MGAT5B: variants seen among roughly 807,000 people sequenced by gnomAD.
MGAT5B encodes the protein N-acetylglucosaminyl-transferase Vb.
Under a neutral mutation model 95.1 loss-of-function variants are expected in MGAT5B, and 54 were observed. The observed-to-expected ratio is 0.57, with a 90% confidence interval of 0.46 to 0.71. The LOEUF is 0.71. Ranked by LOEUF, MGAT5B falls within the 30% of genes least tolerant of loss-of-function variation. MGAT5B has a pLI of 0.00. For missense variants in MGAT5B, 935 were observed against 1,088.6 expected, an observed-to-expected ratio of 0.86 and a Z score of 1.99; for synonymous variants, 464 against 451.0, an observed-to-expected ratio of 1.03 and a Z score of -0.36.
At position 76,940,369 on chromosome 17, in the gene MGAT5B, C is replaced by T; in HGVS notation, c.1585-33C>T. 1 of 1,542,914 alleles carries T rather than the reference C, an allele frequency of 6.5e-7. No individual in the cohort carries two copies. The highest frequency in any genetic ancestry group is 8.8e-7 in the Non-Finnish European group (1 of 1,142,092). ...GCTTACTGGGCTGTGGCGGCCCAGCCCTCCCTGATCACTGCGCCCCTTGAC... is the reference window on the plus strand; with the variant it reads ...GCTTACTGGGCTGTGGCGGCCCAGCTCTCCCTGATCACTGCGCCCCTTGAC... On this transcript the variant is annotated intron_variant, in intron 13 of 17. Transcript: ENST00000569840. The surrounding 1 kb of genome is among the most constrained non-coding windows in gnomAD (Gnocchi z 4.3).
Position 76,912,464 on chromosome 17 carries a change from A to C in MGAT5B, c.1025+6277A>C, listed in dbSNP as rs1300821849. Among the ~76,000 whole-genome samples, 1 of 152,084 alleles carries C rather than the reference A, an allele frequency of 6.6e-6. No homozygotes were observed. ...GTCTCAGCTTGGTTTCTGCGACAGA[A>C]ATGTCTCCCTTGGCTGGCGAAATGA... On this transcript the variant is annotated intron_variant, in intron 8 of 17. Coordinates refer to ENST00000569840, the MANE Select transcript of MGAT5B (RefSeq NM_001199172.2). The surrounding 1 kb of genome is among the most constrained non-coding windows in gnomAD (Gnocchi z 5.0).
Position 76,869,135 on chromosome 17 carries a change from G to A in MGAT5B, c.68+38G>A. 1.3e-6 allele frequency: 2 copies of A among 1,591,444 alleles called. No individual in the cohort carries two copies. Among genetic ancestry groups the A allele is most frequent in the Non-Finnish European group, 1.7e-6 (2 of 1,159,492 alleles). ...CCTGGTTGGTTTTTTCCCCAGGGGG[G>A]CGCCGGGTGGAGGTGGGCGAGGTCG... On this transcript the variant is annotated intron_variant, in intron 1 of 17. Coordinates refer to ENST00000569840, the MANE Select transcript of MGAT5B (RefSeq NM_001199172.2). The surrounding 1 kb of genome is among the most constrained non-coding windows in gnomAD (Gnocchi z 7.0).
At chr17:76,901,364 G>A (rs1318749075) in intron 3 of MGAT5B, among the ~76,000 whole-genome samples, 2 of 151,722 alleles carry the variant, frequency 1.3e-5, no homozygotes, top group African/African-American at 4.9e-5. Flanking sequence ...CAAAGCCACG[G>A]GGTGAGGTGA....
intron 8 of MGAT5B, among the ~76,000 whole-genome samples, chr17:76,923,247 T>G (rs919470586): frequency 1.3e-5 from 2 of 152,174 alleles, no homozygotes; most frequent in African/African-American, 4.8e-5. Context: ...CCCAGGAAAC[T>G]GACCAATCCT....
chr17:76,871,362 C>T (rs1228311370), intron 1 of MGAT5B, among the ~76,000 whole-genome samples: 4 of 152,098 alleles, frequency 2.6e-5, no homozygotes, highest in African/African-American at 9.7e-5. Context: ...GGAAAGTGTC[C>T]CTTGCGCGGT....
chr17:76,898,178 A>G (rs1453405585), intron 3 of MGAT5B, among the ~76,000 whole-genome samples: 1 of 152,188 alleles, frequency 6.6e-6, no homozygotes, highest in Admixed American at 6.5e-5. Flanking sequence ...ATTAGGTTAC[A>G]TAGGATATTT....
At chr17:76,883,780 A>G (rs1247697397) in intron 3 of MGAT5B, among the ~76,000 whole-genome samples, 1 of 152,262 alleles carries the variant, frequency 6.6e-6, no homozygotes, top group Non-Finnish European at 1.5e-5. Context: ...GTGTGATGGA[A>G]AAGCCAAAGC....
Position 76,915,882 on chromosome 17 carries a change from C to T in MGAT5B, c.1026-9084C>T, listed in dbSNP as rs989220273. ...GCGAGCGCAGGAGCACACATCCCAG[C>T]GGAGAGGCCTGGCAGCCAGACACCT... On this transcript the variant is annotated intron_variant, in intron 8 of 17. Coordinates refer to ENST00000569840, the MANE Select transcript of MGAT5B (RefSeq NM_001199172.2). This position sits in a 1 kb window ranked among gnomAD's most constrained non-coding sequence, Gnocchi z 8.7. Among the ~76,000 whole-genome samples the T allele has an allele frequency of 8.5e-5, 13 of 152,216 alleles. No homozygotes were observed. Among genetic ancestry groups the T allele is most frequent in the African/African-American group, 2.7e-4 (11 of 41,464 alleles).
intron 3 of MGAT5B, among the ~76,000 whole-genome samples, chr17:76,897,289 T>C (rs897508987): frequency 2.0e-5 from 3 of 152,150 alleles, no homozygotes; most frequent in African/African-American, 7.2e-5. Context: ...CTTAGTTTCG[T>C]AGAGTTGCCG....
In MGAT5B at chr17:76,870,231, C is replaced by T. The variant is rs1260968839; in HGVS notation, c.68+1134C>T. 6.6e-6 allele frequency among the ~76,000 whole-genome samples: 1 copy of T among 152,176 alleles called. No individual in the cohort carries two copies. Among genetic ancestry groups the T allele is most frequent in the African/African-American group, 2.4e-5 (1 of 41,460 alleles). On this transcript the variant is annotated intron_variant, in intron 1 of 17. Coordinates refer to ENST00000569840, the MANE Select transcript of MGAT5B (RefSeq NM_001199172.2). This position sits in a 1 kb window ranked among gnomAD's most constrained non-coding sequence, Gnocchi z 5.0. Reference sequence around the variant, plus strand: ...GGTGGCTCACCTGGAGCCCGCCTCCCAGCACACCGGGCCTGTCTGCTGGGC... The same window carrying T: ...GGTGGCTCACCTGGAGCCCGCCTCCTAGCACACCGGGCCTGTCTGCTGGGC...
chr17:76,897,504 G>A (rs1688106), intron 3 of MGAT5B, among the ~76,000 whole-genome samples: 77,272 of 151,556 alleles, frequency 0.51, 23,902 homozygotes, highest in African/African-American at 0.86. Context: ...GCATCACTCC[G>A]CTCTCTGCCT....
intron 3 of MGAT5B, among the ~76,000 whole-genome samples, chr17:76,885,946 T>G (rs1856148489): frequency 4.7e-5 from 5 of 105,960 alleles, no homozygotes; most frequent in Admixed American, 3.8e-4. Flanking sequence ...AAATTTCCTG[T>G]GGCTTAAAAA....
intron 3 of MGAT5B, among the ~76,000 whole-genome samples, chr17:76,886,668 G>A (rs576813531): frequency 1.3e-5 from 2 of 152,308 alleles, no homozygotes; most frequent in East Asian, 1.9e-4. Flanking sequence ...GGGAGGAGGG[G>A]CCACCTGGGA....
chr17:76,947,739 C>T (rs542661085), intron 16 of MGAT5B, 91 bp from the exon 17 acceptor site: 84 of 1,459,088 alleles, frequency 5.8e-5, no homozygotes, highest in African/African-American at 4.3e-4. Flanking sequence ...AGTGGTGGCT[C>T]GTACTGGCAC....
rs1223362736 is a variant in MGAT5B, at chr17:76,869,803, C to T, written c.68+706C>T. 6.6e-6 allele frequency among the ~76,000 whole-genome samples: 1 copy of T among 152,124 alleles called. No individual in the cohort carries two copies. The highest frequency in any genetic ancestry group is 1.5e-5 in the Non-Finnish European group (1 of 67,986). On this transcript the variant is annotated intron_variant, in intron 1 of 17. Transcript: ENST00000569840. This position sits in a 1 kb window ranked among gnomAD's most constrained non-coding sequence, Gnocchi z 7.0. ...GGTGGCGAAGGCGACACGCTTCGGG[C>T]GGCCAACACCTGGGGGCCCAGGCCA...
chr17:76,888,389 C>G (rs542431921), intron 3 of MGAT5B, among the ~76,000 whole-genome samples: 1 of 152,096 alleles, frequency 6.6e-6, no homozygotes, highest in South Asian at 2.1e-4. Context: ...CCTGCTCCGG[C>G]GCTCATGTTT....
chr17:76,907,659 C>T (rs913155251), intron 8 of MGAT5B, among the ~76,000 whole-genome samples: 6 of 152,102 alleles, frequency 3.9e-5, no homozygotes, highest in Admixed American at 1.3e-4. Flanking sequence ...TGAACGTTGC[C>T]GTGGTGGACA....
rs530413172 is a variant in MGAT5B at position 76,917,122 on chromosome 17, G to A, written c.1026-7844G>A. ...TCAGTGGCCAATTAAATGCTCTCAA[G>A]TCCGGGTTTAGTGTGAGGATTTTGC... On this transcript the variant is annotated intron_variant, in intron 8 of 17. Coordinates refer to ENST00000569840, the MANE Select transcript of MGAT5B (RefSeq NM_001199172.2). This position sits in a 1 kb window ranked among gnomAD's most constrained non-coding sequence, Gnocchi z 6.1. Among the ~76,000 whole-genome samples the A allele has an allele frequency of 2.0e-5, 3 of 152,358 alleles. No individual in the cohort carries two copies. Among genetic ancestry groups the A allele is most frequent in the Admixed American group, 2.0e-4 (3 of 15,310 alleles).
chr17:76,902,684 G>A lies in MGAT5B; in HGVS notation c.445+14G>A, dbSNP rs367973951. On this transcript the variant is annotated intron_variant, in intron 4 of 17. Coordinates refer to ENST00000569840, the MANE Select transcript of MGAT5B (RefSeq NM_001199172.2). The stretch of plus-strand genomic sequence containing the variant: ...TGCACAGCAAGGGTGGGTGCCAGGG[G>A]GCGGGGGTACCCTCTACCCCTAGGG... The A allele has an allele frequency of 1.3e-6, 2 of 1,557,124 alleles. No homozygotes were observed. The highest frequency in any genetic ancestry group is 2.4e-5 in the East Asian group (1 of 41,790).
Sources: gnomAD v4.1 joint callset for allele counts (sites outside exome capture counted in the v4.1 genomes callset) on GRCh38, gnomAD v4.1.1 for gene constraint, Gnocchi (gnomAD v3.1) non-coding constraint, MANE v1.5 for transcripts, NCBI Gene and HGNC (gene_info 2026-07-23, HGNC 2026-07-21) for gene names.